Variants in TTC28 observed in about 807,000 individuals in gnomAD.
TTC28 encodes the protein tetratricopeptide repeat protein 28.
TTC28 carries 61 observed loss-of-function variants against 198.0 expected under a neutral mutation model. The ratio of observed to expected loss-of-function variants is 0.31; its 90% CI spans 0.25 to 0.38. The LOEUF (loss-of-function observed/expected upper bound fraction) is 0.38, where lower values mean the gene tolerates loss of function less well. Among genes scored for constraint, TTC28 ranks in the 10% least tolerant of loss-of-function variants. The pLI, the probability that TTC28 is intolerant of heterozygous loss-of-function variation, is 1.00. For synonymous variants in TTC28, 1,171 were observed against 1,297.8 expected (o/e 0.90, Z 2.10); for missense variants, 2,678 against 3,164.0 (o/e 0.85, Z 3.69).
intron 2 of TTC28, among the ~76,000 whole-genome samples, chr22:28,408,056 C>T (rs2047026418): frequency 6.6e-6 from 1 of 152,132 alleles, no homozygotes; most frequent in African/African-American, 2.4e-5. Context: ...AGTAACTGTG[C>T]ATTCAGCTTT....
intron 5 of TTC28, 44 bp downstream of exon 5, chr22:28,296,154 C>T: frequency 1.3e-6 from 2 of 1,514,074 alleles, no homozygotes; most frequent in South Asian, 2.6e-5. Flanking sequence ...TCCACATTTC[C>T]AAAAGAAAAA....
chr22:27,996,546 G>A (rs995701656), intron 16 of TTC28: 4 of 365,332 alleles, frequency 1.1e-5, no homozygotes, highest in South Asian at 4.9e-5. Context: ...AACCTGCCTT[G>A]TTTTCTCTGA....
chr22:28,375,107 A>G (rs1190140020), intron 2 of TTC28, among the ~76,000 whole-genome samples: 1 of 152,048 alleles, frequency 6.6e-6, no homozygotes, highest in African/African-American at 2.4e-5. Context: ...TAAATAATAA[A>G]AAAATAATAA....
At chr22:28,612,490 C>T (rs1185147321) in intron 2 of TTC28, among the ~76,000 whole-genome samples, 1 of 152,182 alleles carries the variant, frequency 6.6e-6, no homozygotes, top group East Asian at 1.9e-4. Context: ...TAGACATCTA[C>T]AGAACTCTCC....
chr22:28,024,516 T>A (rs1938743572), intron 13 of TTC28, among the ~76,000 whole-genome samples: 1 of 152,112 alleles, frequency 6.6e-6, no homozygotes, highest in Non-Finnish European at 1.5e-5. Flanking sequence ...CTCCTGTGAC[T>A]CCTGTCAAGA....
chr22:28,091,584 ATCGAAAGGAGGGAG>A (rs1298273763), intron 12 of TTC28, among the ~76,000 whole-genome samples: 1 of 152,158 alleles, frequency 6.6e-6, no homozygotes, highest in Admixed American at 6.5e-5. Context: ...TTCTAATACT[ATCGAAAGGAGGGAG>A]AGTCTTGGCT....
intron 2 of TTC28, among the ~76,000 whole-genome samples, chr22:28,577,142 T>G (rs2050163788): frequency 1.3e-5 from 2 of 152,180 alleles, no homozygotes; most frequent in African/African-American, 4.8e-5. Flanking sequence ...GCTTTTGCTG[T>G]ATCCCAGAGA....
At chr22:28,193,575 T>C (rs1925085716) in intron 5 of TTC28, among the ~76,000 whole-genome samples, 1 of 151,588 alleles carries the variant, frequency 6.6e-6, no homozygotes, top group Non-Finnish European at 1.5e-5. Context: ...AAGCTCAAAA[T>C]AAAGGGATGG....
intron 13 of TTC28, among the ~76,000 whole-genome samples, chr22:28,014,706 G>A (rs1938292108): frequency 2.6e-5 from 4 of 152,224 alleles, no homozygotes; most frequent in Admixed American, 2.6e-4. Context: ...GAGCAATTGT[G>A]TGCAGGCAAA....
chr22:28,646,555 C>G (rs1282104500), intron 1 of TTC28, among the ~76,000 whole-genome samples: 3 of 152,090 alleles, frequency 2.0e-5, no homozygotes, highest in East Asian at 3.9e-4. Context: ...GAGATAGCAA[C>G]CCTAATATTC....
intron 6 of TTC28, among the ~76,000 whole-genome samples, chr22:28,118,954 A>T (rs1247345845): frequency 6.6e-6 from 1 of 152,186 alleles, no homozygotes; most frequent in Non-Finnish European, 1.5e-5. Context: ...AAAAAATTTT[A>T]TATCTGTTGC....
intron 1 of TTC28, among the ~76,000 whole-genome samples, chr22:28,671,292 A>C (rs985704292): frequency 5.3e-5 from 8 of 152,140 alleles, no homozygotes; most frequent in African/African-American, 1.9e-4. Context: ...ATAGTAAGTT[A>C]TTAATATATT....
chr22:27,990,946 G>A, intron 19 of TTC28, 134 bp from the exon 20 acceptor site: 1 of 843,432 alleles, frequency 1.2e-6, no homozygotes, highest in Non-Finnish European at 1.8e-6. Flanking sequence ...CTCTGACTGG[G>A]AGGGGAGAGG....
At chr22:28,578,794 T>G (rs988630707) in intron 2 of TTC28, among the ~76,000 whole-genome samples, 1 of 152,114 alleles carries the variant, frequency 6.6e-6, no homozygotes, top group African/African-American at 2.4e-5. Context: ...AGTGCTACCC[T>G]GTTACATTGG....
chr22:28,262,297 C>T (rs1931377247), intron 5 of TTC28, among the ~76,000 whole-genome samples: 1 of 152,160 alleles, frequency 6.6e-6, no homozygotes, highest in Admixed American at 6.6e-5. Flanking sequence ...CTAACACAAC[C>T]CTACAGCCAT....
intron 2 of TTC28, among the ~76,000 whole-genome samples, chr22:28,386,167 T>C (rs2046582357): frequency 1.4e-5 from 2 of 146,116 alleles, no homozygotes; most frequent in Admixed American, 6.9e-5. Flanking sequence ...CCTAGCTACT[T>C]GGGAGGCTGA....
At chr22:28,675,317 T>C (rs1040130386) in intron 1 of TTC28, among the ~76,000 whole-genome samples, 10 of 152,066 alleles carry the variant, frequency 6.6e-5, no homozygotes, top group African/African-American at 2.2e-4. Flanking sequence ...AACATAGGGG[T>C]AAATCATAGG....
intron 13 of TTC28, among the ~76,000 whole-genome samples, chr22:28,018,309 G>C (rs941230483): frequency 7.0e-6 from 1 of 143,576 alleles, no homozygotes; most frequent in Non-Finnish European, 1.6e-5. Flanking sequence ...GCGCGCGCGG[G>C]GGGGGGGGCG....
chr22:28,537,032 G>C (rs1040010263), intron 2 of TTC28, among the ~76,000 whole-genome samples: 1 of 151,756 alleles, frequency 6.6e-6, no homozygotes, highest in Non-Finnish European at 1.5e-5. Flanking sequence ...GGTGGCTCAC[G>C]CCTGTAATCC....
Sources: allele counts gnomAD v4.1 joint callset (sites outside exome capture counted in the v4.1 genomes callset), GRCh38; gene constraint gnomAD v4.1.1; transcripts MANE v1.5; gene names NCBI Gene and HGNC (gene_info 2026-07-23, HGNC 2026-07-21).